Variants in RAP1B observed in about 807,000 individuals in gnomAD.
RAP1B encodes the protein RAP1B, member of RAS oncogene family, also known as ras-related protein Rap-1b.
Under a neutral mutation model 27.5 loss-of-function variants are expected in RAP1B, and 1 was observed. That is an observed-to-expected ratio of 0.04 (90% CI 0.01 to 0.17). RAP1B has a LOEUF of 0.17. Among genes scored for constraint, RAP1B ranks in the 10% least tolerant of loss-of-function variants. The pLI is 1.00. For synonymous variants in RAP1B, 75 were observed against 73.1 expected (o/e 1.03, Z -0.13); for missense variants, 84 against 214.8 (o/e 0.39, Z 3.81).
intron 1 of RAP1B, among the ~76,000 whole-genome samples, chr12:68,616,094 G>A (rs1870979175): frequency 6.6e-6 from 1 of 151,618 alleles, no homozygotes; most frequent in Non-Finnish European, 1.5e-5. Flanking sequence ...CTCCCGAGTA[G>A]CTGAGACTAC....
intron 1 of RAP1B, among the ~76,000 whole-genome samples, chr12:68,632,700 A>G (rs540653213): frequency 6.6e-6 from 1 of 152,288 alleles, no homozygotes; most frequent in East Asian, 1.9e-4. Context: ...AAATGGTGGC[A>G]GTGGTTTGAC....
chr12:68,656,267 T>C (rs1874198329), intron 5 of RAP1B, 39 bp from the exon 6 acceptor site: 1 of 1,537,460 alleles, frequency 6.5e-7, no homozygotes, highest in African/African-American at 1.4e-5. Context: ...ATATAGCATA[T>C]TTACTTATTT....
rs547351026 is a variant in RAP1B, at chr12:68,662,051, TAGAG to T, written c.*2807_*2810del. The T allele has an allele frequency of 3.4e-3, 499 of 146,286 alleles. 2 individuals carry two copies. The highest frequency in any genetic ancestry group is 0.011 in the African/African-American group (447 of 40,306). 9.1% of individuals were successfully genotyped at this position (146,286 alleles called of 1,614,324 possible). On this transcript the variant is annotated 3_prime_UTR_variant, in exon 8 of 8. Transcript: ENST00000250559. ...ATATATATTATATATAGTACATATA[TAGAG>T]AGAGTATATATATATATGTAGTACA...
intron 1 of RAP1B, among the ~76,000 whole-genome samples, chr12:68,634,629 T>A (rs1381596744): frequency 1.3e-5 from 2 of 152,262 alleles, no homozygotes; most frequent in South Asian, 2.1e-4. Context: ...TCTCCTTTTT[T>A]AAAAAATCAC....
intron 1 of RAP1B, among the ~76,000 whole-genome samples, chr12:68,624,007 T>G: frequency 2.1e-5 from 3 of 141,378 alleles, no homozygotes; most frequent in Non-Finnish European, 3.0e-5. Context: ...GGCGACAGAG[T>G]GAGACTCTAT....
rs117705998 is a variant in RAP1B at position 68,632,938 on chromosome 12, C to T, written c.-26-15761C>T. On this transcript the variant is annotated intron_variant, in intron 1 of 7. Transcript: ENST00000250559. ...TCCCACTCAAGCAAGACTGAAGTAACTGGGACTATAGATGTGAGCTATCAT... is the reference window on the plus strand; with the variant it reads ...TCCCACTCAAGCAAGACTGAAGTAATTGGGACTATAGATGTGAGCTATCAT... 2.8e-3 allele frequency among the ~76,000 whole-genome samples: 422 copies of T among 152,264 alleles called. 2 individuals are homozygous for T. Among genetic ancestry groups the T allele is most frequent in the Non-Finnish European group, 5.2e-3 (352 of 68,012 alleles).
At chr12:68,651,102 ATG>A (rs756623425) in intron 3 of RAP1B, among the ~76,000 whole-genome samples, 104 of 152,310 alleles carry the variant, frequency 6.8e-4, no homozygotes, top group Middle Eastern at 3.4e-3. Flanking sequence ...ACATGAGCTC[ATG>A]TGTGGAATTT....
intron 1 of RAP1B, among the ~76,000 whole-genome samples, chr12:68,619,791 C>T (rs900019759): frequency 6.6e-6 from 1 of 152,148 alleles, no homozygotes; most frequent in Non-Finnish European, 1.5e-5. Context: ...CTTAAAATCT[C>T]CTATTAATAT....
chr12:68,619,276 C>T (rs1314808033), intron 1 of RAP1B, among the ~76,000 whole-genome samples: 1 of 152,096 alleles, frequency 6.6e-6, no homozygotes, highest in African/African-American at 2.4e-5. Flanking sequence ...TGAGGCTTTG[C>T]TTTAGGGAAA....
At chr12:68,635,657 A>G (rs377079847) in intron 1 of RAP1B, among the ~76,000 whole-genome samples, 48 of 151,488 alleles carry the variant, frequency 3.2e-4, no homozygotes, top group Middle Eastern at 3.4e-3. Context: ...GTTTCACCAT[A>G]TTGGCCAGGC....
At chr12:68,630,025 A>T (rs1001354377) in intron 1 of RAP1B, among the ~76,000 whole-genome samples, 13 of 152,242 alleles carry the variant, frequency 8.5e-5, no homozygotes, top group Non-Finnish European at 1.8e-4. Context: ...CTTAAACCAC[A>T]GTAGCCATTG....
At chr12:68,630,543 C>G (rs1872159933) in intron 1 of RAP1B, among the ~76,000 whole-genome samples, 1 of 152,168 alleles carries the variant, frequency 6.6e-6, no homozygotes, top group Non-Finnish European at 1.5e-5. Context: ...CTTCCATATT[C>G]CAGGCACTGT....
chr12:68,627,605 T>C (rs1050957907), intron 1 of RAP1B, among the ~76,000 whole-genome samples: 49 of 152,238 alleles, frequency 3.2e-4, no homozygotes, highest in African/African-American at 1.1e-3. Context: ...AAATACCCCA[T>C]GTGTAGCTCC....
rs554000040 is a variant in RAP1B at position 68,664,056 on chromosome 12, C to A, written c.*4807C>A. 4.6e-5 allele frequency: 7 copies of A among 152,228 alleles called. No homozygotes were observed. Among genetic ancestry groups the A allele is most frequent in the African/African-American group, 1.7e-4 (7 of 41,544 alleles). 9.4% of individuals were successfully genotyped at this position (152,228 alleles called of 1,614,324 possible). On this transcript the variant is annotated 3_prime_UTR_variant, in exon 8 of 8. Transcript: ENST00000250559. The stretch of plus-strand genomic sequence containing the variant: ...TTTTACTATGTTGTTTTACTATGAA[C>A]CTAGTTTAACCTGACTTTCCTTACA...
At chr12:68,611,265 C>A (rs1208578814) in intron 1 of RAP1B, among the ~76,000 whole-genome samples, 2 of 149,292 alleles carry the variant, frequency 1.3e-5, no homozygotes, top group Non-Finnish European at 3.0e-5. Flanking sequence ...GAGGAGCAGC[C>A]GCCGCCGCCG....
chr12:68,657,048 T>A (rs1483539204), intron 6 of RAP1B, 53 bp from the exon 7 acceptor site: 1 of 1,405,536 alleles, frequency 7.1e-7, no homozygotes, highest in Non-Finnish European at 1.0e-6. Flanking sequence ...CTTTTTTCAT[T>A]GGGGGGGATA....
intron 1 of RAP1B, among the ~76,000 whole-genome samples, chr12:68,622,294 C>T (rs538477007): frequency 6.6e-6 from 1 of 152,210 alleles, no homozygotes; most frequent in Non-Finnish European, 1.5e-5. Context: ...AACTTGTTTT[C>T]ATTTTTGTCC....
At chr12:68,615,091 TCAC>T (rs939742232) in intron 1 of RAP1B, among the ~76,000 whole-genome samples, 2 of 152,206 alleles carry the variant, frequency 1.3e-5, no homozygotes, top group African/African-American at 2.4e-5. Flanking sequence ...TTTTTAAAAT[TCAC>T]CAGCAACAAA....
At position 68,636,330 on chromosome 12, in the gene RAP1B, GTC is replaced by G. The variant is rs535764441; in HGVS notation, c.-26-12365_-26-12364del. 9.5e-4 allele frequency among the ~76,000 whole-genome samples: 144 copies of G among 152,310 alleles called. 2 individuals carry two copies. The South Asian group carries it at 0.016, about 17-fold the overall frequency. ...TCAGGTTACAAAGTTATGAGCAATTGTCTCTGGAACCCAGAAGTTGGTTTTAA... is the reference window on the plus strand; with the variant it reads ...TCAGGTTACAAAGTTATGAGCAATTGTCTGGAACCCAGAAGTTGGTTTTAA... On this transcript the variant is annotated intron_variant, in intron 1 of 7. Transcript: ENST00000250559.
Sources: allele counts gnomAD v4.1 joint callset (sites outside exome capture counted in the v4.1 genomes callset), GRCh38; gene constraint gnomAD v4.1.1; transcripts MANE v1.5; gene names NCBI Gene and HGNC (gene_info 2026-07-23, HGNC 2026-07-21).